Variants in CHLSN observed in about 807,000 individuals in gnomAD.
CHLSN encodes protein cholesin.
chr7:1,127,570 A>T, the CHLSN span, among the ~76,000 whole-genome samples: 3 of 150,970 alleles, frequency 2.0e-5, no homozygotes, highest in African/African-American at 7.3e-5. Context: ...AACCAACTTG[A>T]CACATTTTGG....
the CHLSN span, among the ~76,000 whole-genome samples, chr7:1,017,988 C>A: frequency 2.0e-5 from 3 of 152,344 alleles, no homozygotes; most frequent in African/African-American, 7.2e-5. Context: ...GACAGAAGAC[C>A]TAGTAGAACT....
the CHLSN span, among the ~76,000 whole-genome samples, chr7:1,096,039 C>G: frequency 0.014 from 2,060 of 152,330 alleles, 52 homozygotes; most frequent in African/African-American, 0.046. The surrounding 1 kb of genome is among the most constrained non-coding windows in gnomAD (Gnocchi z 4.6). Context: ...CGGGACTCAA[C>G]TCATTCCTCC....
At chr7:1,021,529 C>T in the CHLSN span, 1 of 985,340 alleles carries the variant, frequency 1.0e-6, no homozygotes, top group South Asian at 4.7e-5. Flanking sequence ...CCAGGGAGCA[C>T]TGTCCATCCA....
the CHLSN span, chr7:997,666 T>C: frequency 1.9e-6 from 3 of 1,609,650 alleles, no homozygotes; most frequent in Admixed American, 3.4e-5. Flanking sequence ...CGCTGGGCCC[T>C]CCCCGGCAGG....
At chr7:1,043,870 A>T in the CHLSN span, 1 of 152,264 alleles carries the variant, frequency 6.6e-6, no homozygotes, top group Non-Finnish European at 1.5e-5. Flanking sequence ...GGAACTGTGC[A>T]ACCCACATGC....
chr7:1,070,396 A>C, the CHLSN span, among the ~76,000 whole-genome samples: 1 of 122,040 alleles, frequency 8.2e-6, no homozygotes, highest in Admixed American at 8.0e-5. Context: ...CCCGTCCGGG[A>C]GGTGAGGGGC....
the CHLSN span, among the ~76,000 whole-genome samples, chr7:1,081,334 C>A: frequency 6.6e-6 from 1 of 152,252 alleles, no homozygotes; most frequent in Non-Finnish European, 1.5e-5. Flanking sequence ...CTCCTAAGAC[C>A]CCCAAGTCAG....
the CHLSN span, among the ~76,000 whole-genome samples, chr7:1,031,329 A>C: frequency 6.6e-6 from 1 of 152,158 alleles, no homozygotes; most frequent in Admixed American, 6.5e-5. Flanking sequence ...GAAATCAGCG[A>C]AACAGCACCA....
At chr7:1,073,675 C>A in the CHLSN span, among the ~76,000 whole-genome samples, 1 of 149,668 alleles carries the variant, frequency 6.7e-6, no homozygotes, top group East Asian at 2.0e-4. Context: ...ACCCCGCCGC[C>A]GTGACGCCCC....
the CHLSN span, among the ~76,000 whole-genome samples, chr7:1,015,616 G>A: frequency 6.6e-6 from 1 of 152,198 alleles, no homozygotes; most frequent in East Asian, 1.9e-4. Context: ...AGGGCAGGGA[G>A]GACCCAGGAC....
At chr7:1,059,435 C>G in the CHLSN span, among the ~76,000 whole-genome samples, 1 of 151,894 alleles carries the variant, frequency 6.6e-6, no homozygotes, top group Non-Finnish European at 1.5e-5. Flanking sequence ...AGATGGGGCC[C>G]GGACCGGCCT....
At chr7:978,967 C>T in the CHLSN span, among the ~76,000 whole-genome samples, 1 of 152,186 alleles carries the variant, frequency 6.6e-6, no homozygotes, top group Non-Finnish European at 1.5e-5. Flanking sequence ...AGCCTGGCCA[C>T]GGTTCCGTGG....
At chr7:983,215 G>T in the CHLSN span, 1 of 1,509,410 alleles carries the variant, frequency 6.6e-7, no homozygotes, top group African/African-American at 1.4e-5. Context: ...CGTCCTCATG[G>T]CCCTGCTGCT....
the CHLSN span, among the ~76,000 whole-genome samples, chr7:1,029,931 G>A: frequency 2.0e-5 from 3 of 152,186 alleles, no homozygotes; most frequent in African/African-American, 2.4e-5. Flanking sequence ...TGGTGGACAC[G>A]AGGAGGCCAG....
At chr7:1,013,085 G>A in the CHLSN span, among the ~76,000 whole-genome samples, 5 of 152,190 alleles carry the variant, frequency 3.3e-5, no homozygotes, top group African/African-American at 1.2e-4. Flanking sequence ...CGCCAGGATC[G>A]GGCGTGGTAA....
chr7:1,002,432 GGGAGTCCTGTGGGTGAGT>G, the CHLSN span, among the ~76,000 whole-genome samples: 1 of 103,870 alleles, frequency 9.6e-6, no homozygotes, highest in Non-Finnish European at 2.0e-5. Context: ...CCTGTGGGTG[GGGAGTCCTGTGGGTGAGT>G]GGAGTCCTGT....
At chr7:1,031,935 G>A in the CHLSN span, among the ~76,000 whole-genome samples, 7 of 152,232 alleles carry the variant, frequency 4.6e-5, no homozygotes, top group East Asian at 3.9e-4. Flanking sequence ...GGGTGGCTGC[G>A]AGGACGTGCC....
the CHLSN span, among the ~76,000 whole-genome samples, chr7:1,081,166 A>C: frequency 6.6e-6 from 1 of 152,232 alleles, no homozygotes; most frequent in African/African-American, 2.4e-5. Flanking sequence ...ATCCAGGGCC[A>C]CCAGGGCCGG....
At chr7:1,085,832 CA>C in the CHLSN span, among the ~76,000 whole-genome samples, 2,929 of 133,702 alleles carry the variant, frequency 0.022, 86 homozygotes, top group East Asian at 0.18. Flanking sequence ...AATCCTGTCT[CA>C]AAAAAAAAAA....
Sources: gnomAD v4.1 joint callset for allele counts (sites outside exome capture counted in the v4.1 genomes callset) on GRCh38, gnomAD v4.1.1 for gene constraint, Gnocchi (gnomAD v3.1) non-coding constraint, MANE v1.5 for transcripts, NCBI Gene and HGNC (gene_info 2026-07-23, HGNC 2026-07-21) for gene names.